The following CAMTA1 variants were observed in gnomAD, a reference collection of about 807,000 sequenced individuals.
The protein encoded by CAMTA1 is calmodulin binding transcription activator 1, also known as calmodulin-binding transcription activator 1.
A neutral mutation model predicts 170.9 loss-of-function variants in CAMTA1; 27 were observed. The ratio of observed to expected loss-of-function variants is 0.16; its 90% CI spans 0.12 to 0.22. The LOEUF (loss-of-function observed/expected upper bound fraction) is 0.22. Ranked by LOEUF, CAMTA1 falls within the 10% of genes least tolerant of loss-of-function variation. The pLI is 1.00. For missense variants in CAMTA1, 1,619 were observed against 2,217.2 expected, an observed-to-expected ratio of 0.73 and a Z score of 5.42; for synonymous variants, 833 against 891.5, an observed-to-expected ratio of 0.93 and a Z score of 1.17.
At chr1:7,604,939 G>A (rs942271206) in intron 6 of CAMTA1, among the ~76,000 whole-genome samples, 5 of 152,166 alleles carry the variant, frequency 3.3e-5, no homozygotes, top group African/African-American at 9.7e-5. Flanking sequence ...GTTTGCTGGA[G>A]GTCCACTCCA....
intron 3 of CAMTA1, among the ~76,000 whole-genome samples, chr1:7,073,952 G>A (rs1254720287): frequency 6.6e-6 from 1 of 152,176 alleles, no homozygotes; most frequent in East Asian, 1.9e-4. Flanking sequence ...CTATCACAGA[G>A]TTACCAGGAA....
At chr1:6,953,179 A>T (rs1688809523) in intron 3 of CAMTA1, among the ~76,000 whole-genome samples, 1 of 152,052 alleles carries the variant, frequency 6.6e-6, no homozygotes, top group African/African-American at 2.4e-5. Flanking sequence ...TTCTCTCCAT[A>T]TCAGTGTTGC....
intron 5 of CAMTA1, among the ~76,000 whole-genome samples, chr1:7,289,016 T>C (rs1168321724): frequency 6.6e-6 from 1 of 152,096 alleles, no homozygotes; most frequent in African/African-American, 2.4e-5. Flanking sequence ...TCAGAAAACT[T>C]ACAATCATGG....
intron 5 of CAMTA1, among the ~76,000 whole-genome samples, chr1:7,414,754 T>G (rs1211821335): frequency 6.6e-6 from 1 of 152,002 alleles, no homozygotes; most frequent in Non-Finnish European, 1.5e-5. Context: ...GTGTCTCTAT[T>G]TCCTTCAGTT....
rs765139922 is a variant in CAMTA1 at position 6,995,295 on chromosome 1, C to CTTTTTTTTTTTTTTTTTTTTTTTTTTT, written c.235-95985_235-95984insTTTTTTTTTTTTTTTTTTTTTTTTTTT. ...TCCTTTAAAATCTTTTTTTTCTTTT[C>CTTTTTTTTTTTTTTTTTTTTTTTTTTT]TTTTTTTTTTTTTTTTTTTTTTTTG... is the stretch of plus-strand genomic sequence containing the variant. On this transcript the variant is annotated intron_variant, in intron 3 of 22. Coordinates refer to ENST00000303635, the MANE Select transcript of CAMTA1 (RefSeq NM_015215.4). Among the ~76,000 whole-genome samples, 5 of 60,624 alleles carry CTTTTTTTTTTTTTTTTTTTTTTTTTTT rather than the reference C, an allele frequency of 8.2e-5. 1 individual carries two copies. Among genetic ancestry groups the CTTTTTTTTTTTTTTTTTTTTTTTTTTT allele is most frequent in the East Asian group, 1.1e-3 (2 of 1,790 alleles). The allele number at this position is 60,624 out of a possible 152,430, so 39.8% of individuals were successfully genotyped here.
intron 5 of CAMTA1, among the ~76,000 whole-genome samples, chr1:7,313,073 C>G (rs929459087): frequency 1.3e-5 from 2 of 152,112 alleles, no homozygotes; most frequent in African/African-American, 4.8e-5. Context: ...ATCCCACTCT[C>G]CCACCCCCCA....
chr1:7,174,787 T>G (rs1233235473), intron 4 of CAMTA1, among the ~76,000 whole-genome samples: 1 of 152,148 alleles, frequency 6.6e-6, no homozygotes, highest in Admixed American at 6.5e-5. Flanking sequence ...CAGGAGAAGC[T>G]GGGCATCATT....
chr1:7,273,960 T>G (rs1481216407), intron 5 of CAMTA1, among the ~76,000 whole-genome samples: 2 of 152,084 alleles, frequency 1.3e-5, no homozygotes, highest in Non-Finnish European at 2.9e-5. Flanking sequence ...TAGAGCAAAC[T>G]ACTAAAAATG....
intron 5 of CAMTA1, among the ~76,000 whole-genome samples, chr1:7,360,951 G>T (rs1435409926): frequency 6.6e-6 from 1 of 152,228 alleles, no homozygotes; most frequent in Non-Finnish European, 1.5e-5. Context: ...CTCAGCTGAG[G>T]ATCCTGGGTG....
At chr1:6,933,877 A>G (rs1445959381) in intron 3 of CAMTA1, among the ~76,000 whole-genome samples, 1 of 152,202 alleles carries the variant, frequency 6.6e-6, no homozygotes, top group East Asian at 1.9e-4. Context: ...GTGGCTGTAT[A>G]ACAAGTCTTG....
At chr1:7,082,308 G>C (rs1640117293) in intron 3 of CAMTA1, among the ~76,000 whole-genome samples, 1 of 152,132 alleles carries the variant, frequency 6.6e-6, no homozygotes, top group Non-Finnish European at 1.5e-5. Context: ...CATTGTGGTA[G>C]GTACCTGTAA....
At position 7,668,217 on chromosome 1, in the gene CAMTA1, C is replaced by T. The variant is rs569049495; in HGVS notation, c.2653-2694C>T. Among the ~76,000 whole-genome samples the T allele has an allele frequency of 2.0e-5, 3 of 152,276 alleles. No individual in the cohort carries two copies. The East Asian group carries it at 5.8e-4, about 29-fold the overall frequency. ...GTCTGCAAAATGGGGTTTGGCTAAA[C>T]GGTTACTCAGCACCCCCACCCAGCT... On this transcript the variant is annotated intron_variant, in intron 9 of 22. Coordinates refer to ENST00000303635, the MANE Select transcript of CAMTA1 (RefSeq NM_015215.4).
At chr1:7,117,105 G>T (rs541730162) in intron 4 of CAMTA1, among the ~76,000 whole-genome samples, 1 of 152,062 alleles carries the variant, frequency 6.6e-6, no homozygotes, top group African/African-American at 2.4e-5. Context: ...CAAGTAGCTG[G>T]GATTACAGGC....
At chr1:7,024,272 C>T (rs537143836) in intron 3 of CAMTA1, among the ~76,000 whole-genome samples, 6 of 152,138 alleles carry the variant, frequency 3.9e-5, no homozygotes, top group East Asian at 3.9e-4. Context: ...TGAAAATGAA[C>T]ATGGAATTGC....
intron 6 of CAMTA1, among the ~76,000 whole-genome samples, chr1:7,536,572 G>A (rs902607820): frequency 1.3e-5 from 2 of 152,152 alleles, no homozygotes; most frequent in Non-Finnish European, 2.9e-5. Flanking sequence ...CTAGCCCAGG[G>A]TTCCCTATTC....
intron 4 of CAMTA1, among the ~76,000 whole-genome samples, chr1:7,105,951 A>G (rs1049047809): frequency 1.3e-5 from 2 of 148,664 alleles, no homozygotes; most frequent in South Asian, 2.2e-4. Context: ...AAAAAAAAAA[A>G]GGGTTTCCCC....
chr1:7,469,216 C>T (rs1048981900), intron 6 of CAMTA1, among the ~76,000 whole-genome samples: 15 of 152,108 alleles, frequency 9.9e-5, no homozygotes, highest in African/African-American at 2.7e-4. Context: ...TGGAGGCTGA[C>T]GTGCTAGCAC....
At chr1:6,860,343 A>T (rs1664206224) in intron 3 of CAMTA1, among the ~76,000 whole-genome samples, 1 of 152,160 alleles carries the variant, frequency 6.6e-6, no homozygotes, top group African/African-American at 2.4e-5. Context: ...TTATATGTGA[A>T]TGGGATGAGT....
At chr1:7,208,932 G>C (rs1169382858) in intron 4 of CAMTA1, among the ~76,000 whole-genome samples, 1 of 152,154 alleles carries the variant, frequency 6.6e-6, no homozygotes, top group Non-Finnish European at 1.5e-5. Flanking sequence ...TTGCTGGGCC[G>C]ACTGGCTGGC....
Sources: allele counts gnomAD v4.1 joint callset (sites outside exome capture counted in the v4.1 genomes callset), GRCh38; gene constraint gnomAD v4.1.1; transcripts MANE v1.5; gene names NCBI Gene and HGNC (gene_info 2026-07-23, HGNC 2026-07-21).